The following TACR1 variants were observed in gnomAD, a reference collection of about 807,000 sequenced individuals.
TACR1 encodes tachykinin receptor 1.
Under a neutral mutation model 35.8 loss-of-function variants are expected in TACR1, and 25 were observed. The ratio of observed to expected loss-of-function variants is 0.70; its 90% CI spans 0.51 to 0.98. TACR1 has a LOEUF of 0.98. TACR1 is among the 50% of genes least tolerant of loss of function. The pLI is 0.00. For missense variants in TACR1, 478 were observed against 522.9 expected (o/e 0.91, Z 0.84); for synonymous variants, 195 against 206.7 (o/e 0.94, Z 0.48).
rs75971486 is a variant in TACR1 at position 75,140,770 on chromosome 2, C to A, written c.390-20002G>T. On this transcript the variant is annotated intron_variant, in intron 1 of 4. Coordinates refer to ENST00000305249, the MANE Select transcript of TACR1 (RefSeq NM_001058.4). ...CCAGGTTGTGTGTGAATTATGCATT[C>A]CTTGTGGTGTCTAGAATAATATCAA... 2.6e-5 allele frequency among the ~76,000 whole-genome samples: 4 copies of A among 152,260 alleles called. No individual in the cohort carries two copies. The East Asian group carries it at 7.7e-4, about 29-fold the overall frequency.
chr2:75,192,231 T>C lies in TACR1; in HGVS notation c.389+6315A>G, dbSNP rs113854885. On this transcript the variant is annotated intron_variant, in intron 1 of 4. Coordinates refer to ENST00000305249, the MANE Select transcript of TACR1 (RefSeq NM_001058.4). Reference sequence around the variant, plus strand: ...AACCAGTAGAGACTAATGATGATGATGTAAAGTTGGAGGAACCAGGGACAG... The same window carrying C: ...AACCAGTAGAGACTAATGATGATGACGTAAAGTTGGAGGAACCAGGGACAG... Among the ~76,000 whole-genome samples, 1,418 of 151,294 alleles carry C rather than the reference T, an allele frequency of 9.4e-3. 17 individuals are homozygous for C. The highest frequency in any genetic ancestry group is 0.031 in the Middle Eastern group (9 of 294).
At chr2:75,050,765 G>GT (rs1282522405) in intron 4 of TACR1, among the ~76,000 whole-genome samples, 2 of 152,174 alleles carry the variant, frequency 1.3e-5, no homozygotes, top group African/African-American at 4.8e-5. Context: ...TGCTCAGATC[G>GT]TAAGATGGAA....
At chr2:75,056,864 A>T (rs544819071) in intron 2 of TACR1, among the ~76,000 whole-genome samples, 3 of 152,226 alleles carry the variant, frequency 2.0e-5, no homozygotes, top group Non-Finnish European at 4.4e-5. Context: ...ATGTTCCTAT[A>T]GAGATAATTA....
chr2:75,105,167 A>G (rs914779161), intron 2 of TACR1, among the ~76,000 whole-genome samples: 5 of 152,132 alleles, frequency 3.3e-5, no homozygotes, highest in African/African-American at 9.6e-5. Flanking sequence ...GATAAAGAAA[A>G]TGTGATAAAT....
rs566748979 is a variant in TACR1 at position 75,152,935 on chromosome 2, A to T, written c.390-32167T>A. On this transcript the variant is annotated intron_variant, in intron 1 of 4. Coordinates refer to ENST00000305249, the MANE Select transcript of TACR1 (RefSeq NM_001058.4). The stretch of plus-strand genomic sequence containing the variant: ...TTGGTATTTTGTGAGACGGAGTCTC[A>T]TTCTGTCACCAGGCTGGAGTGCAGT... 2.6e-5 allele frequency among the ~76,000 whole-genome samples: 4 copies of T among 152,326 alleles called. No individual in the cohort carries two copies. In the South Asian group the frequency reaches 6.2e-4, roughly 24 times the overall value.
At chr2:75,127,014 A>G (rs1674087001) in intron 1 of TACR1, among the ~76,000 whole-genome samples, 1 of 152,202 alleles carries the variant, frequency 6.6e-6, no homozygotes, top group South Asian at 2.1e-4. Flanking sequence ...GGTTGTGGAG[A>G]AAAGGGAACA....
chr2:75,147,716 C>G (rs1040861321), intron 1 of TACR1, among the ~76,000 whole-genome samples: 1 of 150,082 alleles, frequency 6.7e-6, no homozygotes, highest in Non-Finnish European at 1.5e-5. Flanking sequence ...CAGCTTCATC[C>G]AAGTCCCTGC....
chr2:75,069,963 C>T (rs991798956), intron 2 of TACR1, among the ~76,000 whole-genome samples: 7 of 138,154 alleles, frequency 5.1e-5, no homozygotes, highest in African/African-American at 2.1e-4. Flanking sequence ...TGCCCACATT[C>T]ACAGGATGAG....
chr2:75,107,668 A>G (rs911339530), intron 2 of TACR1, among the ~76,000 whole-genome samples: 1 of 152,024 alleles, frequency 6.6e-6, no homozygotes, highest in Non-Finnish European at 1.5e-5. Context: ...AGATTGTTTA[A>G]AAAGTAAAGA....
intron 2 of TACR1, among the ~76,000 whole-genome samples, chr2:75,102,760 T>G (rs1456678921): frequency 1.3e-5 from 2 of 152,118 alleles, no homozygotes; most frequent in Non-Finnish European, 2.9e-5. Flanking sequence ...AATAAAGGTA[T>G]TATCAAATAT....
At chr2:75,198,005 C>G (rs12105806) in intron 1 of TACR1, among the ~76,000 whole-genome samples, 1 of 152,084 alleles carries the variant, frequency 6.6e-6, no homozygotes, top group African/African-American at 2.4e-5. Flanking sequence ...ACCAACGAAC[C>G]AACCAACCAA....
chr2:75,081,293 G>T (rs1179355979), intron 2 of TACR1, among the ~76,000 whole-genome samples: 1 of 152,206 alleles, frequency 6.6e-6, no homozygotes, highest in Non-Finnish European at 1.5e-5. Flanking sequence ...GGCAAGAGGG[G>T]TTCCTGTCCT....
chr2:75,139,126 A>G (rs926014809), intron 1 of TACR1, among the ~76,000 whole-genome samples: 1 of 152,214 alleles, frequency 6.6e-6, no homozygotes, highest in African/African-American at 2.4e-5. Context: ...AAGGGAAATG[A>G]AATTAACATT....
chr2:75,173,355 T>C (rs749522009), intron 1 of TACR1, among the ~76,000 whole-genome samples: 1 of 152,208 alleles, frequency 6.6e-6, no homozygotes, highest in Non-Finnish European at 1.5e-5. Flanking sequence ...ATCTGGAAGT[T>C]CCAGTCATGA....
At chr2:75,171,443 G>A (rs1675280460) in intron 1 of TACR1, among the ~76,000 whole-genome samples, 1 of 152,222 alleles carries the variant, frequency 6.6e-6, no homozygotes, top group African/African-American at 2.4e-5. Context: ...GCAGTACAGA[G>A]GGAAATGTGG....
At chr2:75,176,310 A>AT (rs1675418003) in intron 1 of TACR1, among the ~76,000 whole-genome samples, 1 of 151,846 alleles carries the variant, frequency 6.6e-6, no homozygotes. Flanking sequence ...CATTATAGTA[A>AT]AGGAGACATT....
chr2:75,123,887 A>T (rs1471902002), intron 1 of TACR1, among the ~76,000 whole-genome samples: 1 of 152,184 alleles, frequency 6.6e-6, no homozygotes, highest in Non-Finnish European at 1.5e-5. Context: ...ATACATTTAT[A>T]TATTTATCTG....
intron 2 of TACR1, among the ~76,000 whole-genome samples, chr2:75,081,473 A>T (rs140144578): frequency 1.3e-5 from 2 of 152,130 alleles, no homozygotes; most frequent in Non-Finnish European, 2.9e-5. Context: ...CTTCCATTGG[A>T]TTAGTCTCTC....
chr2:75,194,973 C>T (rs1292529887), intron 1 of TACR1, among the ~76,000 whole-genome samples: 1 of 152,090 alleles, frequency 6.6e-6, no homozygotes, highest in East Asian at 1.9e-4. Context: ...GGTTCTGCTC[C>T]ACAGTACTTG....
Sources: gnomAD v4.1 joint callset for allele counts (sites outside exome capture counted in the v4.1 genomes callset) on GRCh38, gnomAD v4.1.1 for gene constraint, MANE v1.5 for transcripts, NCBI Gene and HGNC (gene_info 2026-07-23, HGNC 2026-07-21) for gene names.